The following VPS41 variants were observed in gnomAD, a reference collection of about 807,000 sequenced individuals.
The protein encoded by VPS41 is vacuolar protein sorting-associated protein 41 homolog.
VPS41 carries 85 observed loss-of-function variants against 130.9 expected under a neutral mutation model. That is an observed-to-expected ratio of 0.65 (90% CI 0.55 to 0.78). The LOEUF (loss-of-function observed/expected upper bound fraction) is 0.78. VPS41 is among the 30% of genes least tolerant of loss of function. The probability of loss-of-function intolerance (pLI) is 0.00; values close to 1 mark genes in which losing one functional copy is unlikely to be tolerated. For synonymous variants in VPS41, 335 were observed against 332.9 expected (o/e 1.01, Z -0.07); for missense variants, 874 against 1,018.7 (o/e 0.86, Z 1.93).
rs577806013 is a variant in VPS41 at position 38,896,923 on chromosome 7, G to A, written c.60+1168C>T. Among the ~76,000 whole-genome samples, 8 of 152,340 alleles carry A rather than the reference G, an allele frequency of 5.3e-5. No homozygotes were observed. In the East Asian group the frequency reaches 1.5e-3, roughly 29 times the overall value. On this transcript the variant is annotated intron_variant, in intron 2 of 28. Transcript: ENST00000310301. The stretch of plus-strand genomic sequence containing the variant: ...TTACATTATGCTTGGGCCAGGTGCA[G>A]TGACTCATGCCTATAATCCCAGCAC...
rs865783194 is a variant in VPS41 at position 38,725,497 on chromosome 7, C to T, written c.*749G>A. ...GTGTTGAACTCTCTTTTCTTCCTTACAAGGGTGCCAGAATTCTTAACTGCA... is the reference window on the plus strand; with the variant it reads ...GTGTTGAACTCTCTTTTCTTCCTTATAAGGGTGCCAGAATTCTTAACTGCA... On this transcript the variant is annotated 3_prime_UTR_variant, in exon 29 of 29. Transcript: ENST00000310301. 1.3e-5 allele frequency: 2 copies of T among 152,230 alleles called. No homozygotes were observed. Among genetic ancestry groups the T allele is most frequent in the African/African-American group, 4.8e-5 (2 of 41,456 alleles). The allele number at this position is 152,230 out of a possible 1,614,324, so 9.4% of individuals were successfully genotyped here. A position where few individuals can be genotyped will look rare whatever the true frequency, so the allele number is the denominator to read the frequency against.
chr7:38,748,165 G>C (rs1158864066), intron 22 of VPS41, among the ~76,000 whole-genome samples: 1 of 152,198 alleles, frequency 6.6e-6, no homozygotes, highest in Admixed American at 6.5e-5. Flanking sequence ...CCCTCTAGAG[G>C]AAACAGTAGG....
At position 38,815,924 on chromosome 7, in the gene VPS41, C is replaced by CTATATA. The variant is rs3056367; in HGVS notation, c.450+1887_450+1892dup. Among the ~76,000 whole-genome samples, 947 of 150,100 alleles carry CTATATA rather than the reference C, an allele frequency of 6.3e-3. 6 individuals carry two copies. Among genetic ancestry groups the CTATATA allele is most frequent in the East Asian group, 0.032 (166 of 5,114 alleles). ...TGAGTTAATACTCCCCAATAAACTACTATATATATATATATATACACATAT... is the reference window on the plus strand; with the variant it reads ...TGAGTTAATACTCCCCAATAAACTACTATATATATATATATATATATATACACATAT... On this transcript the variant is annotated intron_variant, in intron 7 of 28. Transcript: ENST00000310301.
At chr7:38,829,247 C>T (rs1254508912) in intron 5 of VPS41, among the ~76,000 whole-genome samples, 5 of 152,282 alleles carry the variant, frequency 3.3e-5, no homozygotes, top group African/African-American at 7.2e-5. Context: ...CTTTGGGCAA[C>T]ATTAGGCTTA....
intron 22 of VPS41, 72 bp downstream of exon 22, chr7:38,752,100 GAAGA>G: frequency 6.3e-7 from 1 of 1,584,088 alleles, no homozygotes; most frequent in Non-Finnish European, 8.6e-7. Flanking sequence ...GATAGAAAGA[GAAGA>G]AAGACAAACA....
intron 2 of VPS41, among the ~76,000 whole-genome samples, chr7:38,875,334 T>C (rs916338350): frequency 1.3e-5 from 2 of 152,034 alleles, no homozygotes; most frequent in Non-Finnish European, 2.9e-5. Context: ...CCATAAAGTG[T>C]AGAAAAGATC....
At chr7:38,873,326 G>A (rs2116353345) in intron 2 of VPS41, among the ~76,000 whole-genome samples, 1 of 151,570 alleles carries the variant, frequency 6.6e-6, no homozygotes, top group Non-Finnish European at 1.5e-5. Flanking sequence ...AAAATAGAAA[G>A]TGATTGAAAA....
rs1784927924 is a variant in VPS41, at chr7:38,810,679, C to T, written c.450+7138G>A. On this transcript the variant is annotated intron_variant, in intron 7 of 28. Transcript: ENST00000310301. ...AAGGGTTAAGAATGTCTTTATTCCA[C>T]ATTACACCTTCATTTGGCTAGTCTT... is the stretch of plus-strand genomic sequence containing the variant. Among the ~76,000 whole-genome samples, 3 of 152,240 alleles carry T rather than the reference C, an allele frequency of 2.0e-5. 1 individual carries two copies. The highest frequency in any genetic ancestry group is 1.3e-4 in the Admixed American group (2 of 15,286).
intron 4 of VPS41, among the ~76,000 whole-genome samples, chr7:38,842,573 T>C (rs1785630465): frequency 6.6e-6 from 1 of 152,222 alleles, no homozygotes. Flanking sequence ...CATTTTTCAC[T>C]GCGTGGCTCC....
intron 3 of VPS41, 43 bp from the exon 4 acceptor site, chr7:38,862,665 T>G: frequency 5.6e-5 from 63 of 1,124,416 alleles, no homozygotes; most frequent in Non-Finnish European, 7.3e-5. Flanking sequence ...TTAATAATAC[T>G]ATTAATACAC....
At chr7:38,904,253 C>T (rs1400580125) in intron 1 of VPS41, among the ~76,000 whole-genome samples, 5 of 152,128 alleles carry the variant, frequency 3.3e-5, no homozygotes, top group African/African-American at 4.8e-5. Context: ...GTGGGCGCGG[C>T]GGAGGCTACT....
intron 2 of VPS41, among the ~76,000 whole-genome samples, chr7:38,888,075 A>C (rs1258684161): frequency 1.3e-5 from 2 of 152,242 alleles, no homozygotes; most frequent in Non-Finnish European, 2.9e-5. Flanking sequence ...CTGCAAAAAC[A>C]TGCCAAATTG....
At chr7:38,821,076 A>T in intron 6 of VPS41, 127 bp downstream of exon 6, 2 of 688,920 alleles carry the variant, frequency 2.9e-6, no homozygotes, top group Non-Finnish European at 5.1e-6. Flanking sequence ...TATCCAGTAC[A>T]TCTGAAGTGT....
At chr7:38,798,473 A>G (rs1293321704) in intron 7 of VPS41, among the ~76,000 whole-genome samples, 1 of 152,038 alleles carries the variant, frequency 6.6e-6, no homozygotes. Flanking sequence ...TTGTACTTTT[A>G]GTAGAGACGG....
intron 10 of VPS41, among the ~76,000 whole-genome samples, chr7:38,787,266 A>G (rs747772222): frequency 6.6e-6 from 1 of 152,164 alleles, no homozygotes; most frequent in Non-Finnish European, 1.5e-5. Context: ...CATTGGTTTC[A>G]TTTCCCAACA....
chr7:38,853,658 C>G (rs913306749), intron 4 of VPS41, among the ~76,000 whole-genome samples: 3 of 152,084 alleles, frequency 2.0e-5, no homozygotes, highest in African/African-American at 7.2e-5. Flanking sequence ...ACTGAGAGTA[C>G]CCTGTACTGA....
intron 3 of VPS41, among the ~76,000 whole-genome samples, chr7:38,865,784 G>A (rs1786216934): frequency 6.6e-6 from 1 of 152,154 alleles, no homozygotes; most frequent in East Asian, 1.9e-4. Context: ...CAGGGGAAGA[G>A]ACAGGTGATA....
chr7:38,867,520 G>A (rs1428872658), intron 3 of VPS41, among the ~76,000 whole-genome samples: 1 of 151,624 alleles, frequency 6.6e-6, no homozygotes, highest in Non-Finnish European at 1.5e-5. Flanking sequence ...ACTCCAGCCT[G>A]GGCAACAAGA....
intron 9 of VPS41, among the ~76,000 whole-genome samples, chr7:38,793,389 C>T (rs192325539): frequency 2.0e-5 from 3 of 152,320 alleles, no homozygotes; most frequent in East Asian, 3.9e-4. Flanking sequence ...AGAAAGACCA[C>T]GTCCTTATCT....
Sources: allele counts gnomAD v4.1 joint callset (sites outside exome capture counted in the v4.1 genomes callset), GRCh38; gene constraint gnomAD v4.1.1; transcripts MANE v1.5; gene names NCBI Gene and HGNC (gene_info 2026-07-23, HGNC 2026-07-21).